OR51B5: variants seen among roughly 807,000 people sequenced by gnomAD.
OR51B5 encodes the protein olfactory receptor 51B5.
For missense variants in OR51B5, 456 were observed against 374.6 expected (o/e 1.22, Z -1.79); for synonymous variants, 186 against 144.8 (o/e 1.28, Z -2.04).
At chr11:5,372,000 T>G (rs1849455021) in intron 1 of OR51B5, among the ~76,000 whole-genome samples, 1 of 152,204 alleles carries the variant, frequency 6.6e-6, no homozygotes, top group African/African-American at 2.4e-5. Flanking sequence ...ATGCCTTTAT[T>G]TGTTTCTGTG....
chr11:5,383,279 T>C (rs919848902), intron 1 of OR51B5, among the ~76,000 whole-genome samples: 3 of 152,130 alleles, frequency 2.0e-5, no homozygotes, highest in African/African-American at 4.8e-5. Flanking sequence ...ATATGCAAGA[T>C]TGACTTCTAG....
intron 1 of OR51B5, among the ~76,000 whole-genome samples, chr11:5,368,067 T>C (rs1465110499): frequency 5.3e-5 from 8 of 152,216 alleles, no homozygotes; most frequent in Admixed American, 6.5e-5. Flanking sequence ...TTTGCTCCTA[T>C]GGAGACCCAG....
chr11:5,500,110 G>A (rs1181957322), intron 1 of OR51B5, among the ~76,000 whole-genome samples: 1 of 152,162 alleles, frequency 6.6e-6, no homozygotes, highest in Non-Finnish European at 1.5e-5. Context: ...CAAATTATGT[G>A]CACCTTTGTG....
chr11:5,454,060 A>T (rs752891657), intron 1 of OR51B5: 1 of 1,614,118 alleles, frequency 6.2e-7, no homozygotes. Flanking sequence ...GCCTGTGCTG[A>T]TATCAGTATC....
intron 1 of OR51B5, among the ~76,000 whole-genome samples, chr11:5,429,958 C>CA (rs1157892842): frequency 6.6e-6 from 1 of 152,146 alleles, no homozygotes; most frequent in Non-Finnish European, 1.5e-5. Context: ...TGTTCATTCT[C>CA]AGAGTGTCGG....
downstream of OR51B5, chr11:5,342,477 C>CTATTTTACCAAGTCATA: frequency 3.8e-6 from 5 of 1,318,646 alleles, no homozygotes; most frequent in Non-Finnish European, 4.0e-6. Context: ...ATTTTAACAC[C>CTATTTTACCAAGTCATA]TATTTTACCA....
At chr11:5,494,285 C>T (rs929009921) in intron 1 of OR51B5, among the ~76,000 whole-genome samples, 2 of 152,200 alleles carry the variant, frequency 1.3e-5, no homozygotes, top group Non-Finnish European at 2.9e-5. Context: ...GCATTATTTT[C>T]CCCCTCATAG....
chr11:5,458,724 A>T (rs547638058), intron 1 of OR51B5, among the ~76,000 whole-genome samples: 4 of 152,232 alleles, frequency 2.6e-5, no homozygotes, highest in African/African-American at 7.2e-5. Flanking sequence ...AACTATTTTG[A>T]TTGGGACTGA....
At chr11:5,390,080 C>G (rs770150019) in intron 1 of OR51B5, 3 of 1,613,660 alleles carry the variant, frequency 1.9e-6, no homozygotes, top group African/African-American at 2.7e-5. Flanking sequence ...GCTCATCGCA[C>G]TGTCCTATGG....
intron 1 of OR51B5, among the ~76,000 whole-genome samples, chr11:5,447,579 C>G (rs952423472): frequency 6.6e-6 from 1 of 150,728 alleles, no homozygotes; most frequent in Non-Finnish European, 1.5e-5. Flanking sequence ...ATGTTATCAC[C>G]GCTCAGTCTC....
chr11:5,362,888 C>G (rs897414816), intron 1 of OR51B5: 7 of 173,312 alleles, frequency 4.0e-5, no homozygotes, highest in Non-Finnish European at 8.8e-5. Flanking sequence ...CACTGAATCC[C>G]TGCTTTTGTA....
intron 1 of OR51B5, among the ~76,000 whole-genome samples, chr11:5,399,862 G>A (rs1394121755): frequency 6.6e-6 from 1 of 152,070 alleles, no homozygotes; most frequent in Non-Finnish European, 1.5e-5. Context: ...CTAGTTTCAA[G>A]TATCAGTCAA....
Position 5,422,619 on chromosome 11 carries a change from A to G in OR51B5, n.85-75709T>C, listed in dbSNP as rs768081873. On this transcript the variant is annotated intron_variant and non_coding_transcript_variant, in intron 1 of 4. Transcript: ENST00000415970. Reference sequence around the variant, plus strand: ...CTCCATTATGCCTCCATCCTCACCAATGAAGTCATTGGTAGAACTGGGTTA... The same window carrying G: ...CTCCATTATGCCTCCATCCTCACCAGTGAAGTCATTGGTAGAACTGGGTTA... 6 of 1,613,978 alleles carry G rather than the reference A, an allele frequency of 3.7e-6. No homozygotes were observed. In the South Asian group the frequency reaches 4.4e-5, roughly 12 times the overall value.
intron 1 of OR51B5, among the ~76,000 whole-genome samples, chr11:5,459,243 G>A (rs1405905490): frequency 1.3e-5 from 2 of 152,154 alleles, no homozygotes; most frequent in African/African-American, 2.4e-5. Context: ...CTGTTAAAGA[G>A]ATGAATCACA....
intron 1 of OR51B5, chr11:5,453,875 C>A: frequency 6.2e-7 from 1 of 1,614,228 alleles, no homozygotes; most frequent in South Asian, 1.1e-5. Context: ...TTTGTGACCC[C>A]TTGCGCTATG....
chr11:5,463,093 A>G (rs981471115), intron 1 of OR51B5, among the ~76,000 whole-genome samples: 2 of 152,220 alleles, frequency 1.3e-5, no homozygotes, highest in African/African-American at 2.4e-5. Flanking sequence ...TCATATGTAT[A>G]AAGGATTTTT....
At chr11:5,390,199 G>C in intron 1 of OR51B5, 1 of 1,613,980 alleles carries the variant, frequency 6.2e-7, no homozygotes, top group Non-Finnish European at 8.5e-7. Context: ...TTGTGCCCAT[G>C]ATGGGGCTGT....
chr11:5,376,923 C>T (rs1362883899), intron 1 of OR51B5, among the ~76,000 whole-genome samples: 2 of 149,992 alleles, frequency 1.3e-5, no homozygotes, highest in East Asian at 1.9e-4. Context: ...CTATTCCAAT[C>T]AACAGAAAAA....
intron 1 of OR51B5, among the ~76,000 whole-genome samples, chr11:5,467,849 G>C (rs1362873663): frequency 6.6e-6 from 1 of 152,122 alleles, no homozygotes; most frequent in African/African-American, 2.4e-5. Flanking sequence ...TTGGAGTGTT[G>C]ATTAGCTGCC....
Sources: gnomAD v4.1 joint callset for allele counts (sites outside exome capture counted in the v4.1 genomes callset) on GRCh38, gnomAD v4.1.1 for gene constraint, MANE v1.5 for transcripts, NCBI Gene and HGNC (gene_info 2026-07-23, HGNC 2026-07-21) for gene names.